The following KLHL1 variants were observed in gnomAD, a reference collection of about 807,000 sequenced individuals.
KLHL1 encodes kelch-like protein 1.
KLHL1 carries 47 observed loss-of-function variants against 77.7 expected under a neutral mutation model. The observed-to-expected ratio is 0.60, with a 90% CI of 0.48 to 0.77. The LOEUF (loss-of-function observed/expected upper bound fraction) is 0.77. Ranked by LOEUF, KLHL1 falls within the 30% of genes least tolerant of loss-of-function variation. The probability of loss-of-function intolerance (pLI) is 0.00; values close to 1 mark genes in which losing one functional copy is unlikely to be tolerated. For synonymous variants in KLHL1, 360 were observed against 325.2 expected, an observed-to-expected ratio of 1.11 and a Z score of -1.15; for missense variants, 925 against 910.8, an observed-to-expected ratio of 1.02 and a Z score of -0.20.
At position 70,107,547 on chromosome 13, in the gene KLHL1, G is replaced by T; in HGVS notation, c.153C>A (p.Pro51=). The change falls in exon 1 of 11, where the codon CCC becomes CCA. Residue 51 remains proline (P), a synonymous_variant. Transcript: ENST00000377844. ...GGCTTTTGAGCAGGCGACTCTGGCT[G>T]GGTCCCCAGTGCTCAAAGCTGCCAC... ...DGSGSFEHWG[P]SQSRLLKSQE... The T allele has an allele frequency of 6.2e-7, 1 of 1,609,240 alleles. No homozygotes were observed. The highest frequency in any genetic ancestry group is 8.5e-7 in the Non-Finnish European group (1 of 1,177,392).
intron 6 of KLHL1, among the ~76,000 whole-genome samples, chr13:69,824,319 A>C (rs1473179783): frequency 1.3e-5 from 2 of 152,090 alleles, no homozygotes; most frequent in East Asian, 3.9e-4. Context: ...AATGAAAATA[A>C]CACTATGTTG....
intron 6 of KLHL1, among the ~76,000 whole-genome samples, chr13:69,799,583 TTA>T (rs1266691835): frequency 6.6e-6 from 1 of 152,182 alleles, no homozygotes; most frequent in African/African-American, 2.4e-5. Flanking sequence ...AAATTAGAAT[TTA>T]TATTAATTTA....
At chr13:70,093,221 A>C (rs1887709821) in intron 1 of KLHL1, among the ~76,000 whole-genome samples, 1 of 152,152 alleles carries the variant, frequency 6.6e-6, no homozygotes, top group Admixed American at 6.6e-5. Context: ...GAAGGCAATA[A>C]AGGCAAGATG....
At chr13:70,061,730 T>C (rs959870967) in intron 1 of KLHL1, among the ~76,000 whole-genome samples, 4 of 152,196 alleles carry the variant, frequency 2.6e-5, no homozygotes, top group African/African-American at 7.2e-5. Flanking sequence ...GGTTCTTGCA[T>C]TTTCAAATTC....
chr13:69,801,207 C>A lies in KLHL1; in HGVS notation c.1415-4245G>T, dbSNP rs540932046. On this transcript the variant is annotated intron_variant, in intron 6 of 10. Transcript: ENST00000377844. ...ACCACTTTTGTTAACTGAAGAATGA[C>A]CACTCTACTGAAAAATAACAATCAC... 4.6e-5 allele frequency among the ~76,000 whole-genome samples: 7 copies of A among 152,164 alleles called. No homozygotes were observed. The East Asian group carries it at 9.6e-4, about 21-fold the overall frequency.
chr13:69,878,768 T>C (rs1387740104), intron 5 of KLHL1, among the ~76,000 whole-genome samples: 1 of 151,654 alleles, frequency 6.6e-6, no homozygotes, highest in Admixed American at 6.6e-5. Flanking sequence ...CCCAAAGGAA[T>C]ATAAATCATG....
intron 5 of KLHL1, among the ~76,000 whole-genome samples, chr13:69,850,359 G>T (rs980005674): frequency 6.6e-6 from 1 of 151,168 alleles, no homozygotes; most frequent in Admixed American, 6.6e-5. Flanking sequence ...TCCAAAATTT[G>T]TTTTCCTTCC....
chr13:69,957,647 T>C (rs146081726), intron 3 of KLHL1, among the ~76,000 whole-genome samples: 1,555 of 151,834 alleles, frequency 0.01, 27 homozygotes, highest in African/African-American at 0.034. Context: ...AAAACTGATA[T>C]ACAATTTTAT....
At chr13:70,077,511 T>A (rs1887293034) in intron 1 of KLHL1, among the ~76,000 whole-genome samples, 1 of 151,248 alleles carries the variant, frequency 6.6e-6, no homozygotes. Context: ...TTATGTATGA[T>A]CCTAAAATAA....
At chr13:69,947,061 TGTGTGTGTGTGTGAA>T (rs1452613762) in intron 3 of KLHL1, among the ~76,000 whole-genome samples, 7 of 137,698 alleles carry the variant, frequency 5.1e-5, no homozygotes, top group East Asian at 2.2e-4. Context: ...TGTGTGTGTG[TGTGTGTGTGTGTGAA>T]GATCTTCTTC....
chr13:69,924,520 G>A (rs566523525), intron 4 of KLHL1, among the ~76,000 whole-genome samples: 2 of 152,122 alleles, frequency 1.3e-5, no homozygotes, highest in Non-Finnish European at 2.9e-5. Flanking sequence ...GCAGAGTGAA[G>A]CTACCCACAG....
rs183775716 is a variant in KLHL1 at position 69,767,553 on chromosome 13, A to G, written c.1640-26997T>C. Among the ~76,000 whole-genome samples, 81 of 152,264 alleles carry G rather than the reference A, an allele frequency of 5.3e-4. No individual in the cohort carries two copies. In the East Asian group the frequency reaches 0.014, roughly 26 times the overall value. Reference sequence around the variant, plus strand: ...TCCTACAAAAATAAAACTTTTAAAAACAGTAAATATCGGTCTATACTAATA... The same window carrying G: ...TCCTACAAAAATAAAACTTTTAAAAGCAGTAAATATCGGTCTATACTAATA... On this transcript the variant is annotated intron_variant, in intron 7 of 10. Transcript: ENST00000377844.
intron 10 of KLHL1, among the ~76,000 whole-genome samples, chr13:69,704,471 C>G (rs921266630): frequency 6.6e-6 from 1 of 151,660 alleles, no homozygotes; most frequent in African/African-American, 2.4e-5. Context: ...TGTTCTTCCT[C>G]TGGCTCTTAC....
rs576817616 is a variant in KLHL1, at chr13:70,007,627, A to G, written c.498-31825T>C. On this transcript the variant is annotated intron_variant, in intron 1 of 10. Coordinates refer to ENST00000377844, the MANE Select transcript of KLHL1 (RefSeq NM_020866.3). ...GCTAAAAATAGTCATGGGAAATAGG[A>G]TCTGTCTTTACCTGTAAGGTATCTA... 5.3e-5 allele frequency among the ~76,000 whole-genome samples: 8 copies of G among 152,176 alleles called. 1 individual carries two copies. The South Asian group carries it at 8.3e-4, about 16-fold the overall frequency.
intron 1 of KLHL1, among the ~76,000 whole-genome samples, chr13:70,047,945 A>G (rs1886542791): frequency 6.6e-6 from 1 of 152,148 alleles, no homozygotes; most frequent in Non-Finnish European, 1.5e-5. Context: ...TCTGAGCCTG[A>G]GTCCCTTAGA....
intron 4 of KLHL1, among the ~76,000 whole-genome samples, chr13:69,939,272 A>G (rs9599525): frequency 0.29 from 41,269 of 144,496 alleles, 6,531 homozygotes; most frequent in East Asian, 0.42. Context: ...AAACTGTACA[A>G]TTGAAATGGC....
chr13:70,081,515 C>T (rs749771728), intron 1 of KLHL1, among the ~76,000 whole-genome samples: 5 of 152,184 alleles, frequency 3.3e-5, no homozygotes, highest in Non-Finnish European at 7.3e-5. Context: ...TGGTTGTCAG[C>T]CAGAGGCTGC....
chr13:69,714,263 A>C (rs1876009846), intron 9 of KLHL1, among the ~76,000 whole-genome samples: 1 of 152,216 alleles, frequency 6.6e-6, no homozygotes, highest in Non-Finnish European at 1.5e-5. Flanking sequence ...TTATTACATC[A>C]ATTTTTCAAG....
chr13:69,929,192 A>G (rs1053422717), intron 4 of KLHL1, among the ~76,000 whole-genome samples: 2 of 152,086 alleles, frequency 1.3e-5, no homozygotes, highest in Non-Finnish European at 2.9e-5. Flanking sequence ...ATTGCTTCAC[A>G]GTTAATGATA....
Sources: gnomAD v4.1 joint callset for allele counts (sites outside exome capture counted in the v4.1 genomes callset) on GRCh38, gnomAD v4.1.1 for gene constraint, MANE v1.5 for transcripts, NCBI Gene and HGNC (gene_info 2026-07-23, HGNC 2026-07-21) for gene names.